Variants in IGF1 observed in about 807,000 individuals in gnomAD.
The protein encoded by IGF1 is insulin-like growth factor 1.
A neutral mutation model predicts 13.8 loss-of-function variants in IGF1; 4 were observed. The ratio of observed to expected loss-of-function variants is 0.29; its 90% CI spans 0.14 to 0.66. The LOEUF (loss-of-function observed/expected upper bound fraction) is 0.66. Ranked by LOEUF, IGF1 falls within the 30% of genes least tolerant of loss-of-function variation. The pLI, the probability that IGF1 is intolerant of heterozygous loss-of-function variation, is 0.78. For missense variants in IGF1, 124 were observed against 188.5 expected, an observed-to-expected ratio of 0.66 and a Z score of 2.00; for synonymous variants, 76 against 72.6, an observed-to-expected ratio of 1.05 and a Z score of -0.23.
rs79090511 is a variant in IGF1, at chr12:102,398,694, G to A, written c.*3813C>T. The A allele has an allele frequency of 2.0e-5, 3 of 152,084 alleles. No individual in the cohort carries two copies. The highest frequency in any genetic ancestry group is 4.4e-5 in the Non-Finnish European group (3 of 68,018). The allele number at this position is 152,084 out of a possible 1,614,324, so 9.4% of individuals were successfully genotyped here. A position where few individuals can be genotyped will look rare whatever the true frequency, so the allele number is the denominator to read the frequency against. On this transcript the variant is annotated 3_prime_UTR_variant, in exon 4 of 4. Transcript: ENST00000337514. ...AGTGATAAAAAGTTGAAAGGTGGTG[G>A]TGGCTAGATAGACCTAATGCTATTT...
intron 2 of IGF1, among the ~76,000 whole-genome samples, chr12:102,444,240 C>T (rs972706475): frequency 1.3e-5 from 2 of 151,902 alleles, no homozygotes; most frequent in Non-Finnish European, 2.9e-5. Context: ...AAAAAGACAC[C>T]CAATTTCCTT....
intron 2 of IGF1, among the ~76,000 whole-genome samples, chr12:102,420,829 A>G (rs1448918431): frequency 6.6e-6 from 1 of 152,208 alleles, no homozygotes; most frequent in Non-Finnish European, 1.5e-5. Flanking sequence ...AAGAAATTTT[A>G]TAAATCACGG....
intron 2 of IGF1, among the ~76,000 whole-genome samples, chr12:102,471,185 T>C (rs1023554760): frequency 1.3e-5 from 2 of 152,196 alleles, no homozygotes; most frequent in African/African-American, 4.8e-5. Flanking sequence ...ACAGAAACTA[T>C]GTAAATAAGA....
At chr12:102,422,240 A>T (rs1387587505) in intron 2 of IGF1, among the ~76,000 whole-genome samples, 2 of 152,178 alleles carry the variant, frequency 1.3e-5, no homozygotes. Flanking sequence ...TTTTTTAAAA[A>T]ATATTGTTGA....
chr12:102,415,543 T>TTTCC (rs761981548), intron 3 of IGF1, among the ~76,000 whole-genome samples: 11,137 of 81,598 alleles, frequency 0.14, 968 homozygotes, highest in East Asian at 0.18. Context: ...CTTCCTTCCC[T>TTTCC]TTCCTTCCTT....
At chr12:102,420,481 C>T (rs1875606279) in intron 2 of IGF1, among the ~76,000 whole-genome samples, 1 of 152,184 alleles carries the variant, frequency 6.6e-6, no homozygotes, top group African/African-American at 2.4e-5. Flanking sequence ...TAGTGTAAGT[C>T]GTAAGTAAAT....
intron 2 of IGF1, chr12:102,463,489 C>T (rs1880082028): frequency 6.6e-6 from 1 of 152,140 alleles, no homozygotes; most frequent in Non-Finnish European, 1.5e-5. Flanking sequence ...TCAGCTTTTT[C>T]CTTTATTTCT....
chr12:102,476,412 A>T (rs1881049329), intron 1 of IGF1, among the ~76,000 whole-genome samples: 1 of 140,772 alleles, frequency 7.1e-6, no homozygotes, highest in Non-Finnish European at 1.6e-5. Context: ...CCTCAATATG[A>T]GAGAGAGAGA....
chr12:102,458,741 A>C (rs1367528148), intron 2 of IGF1, among the ~76,000 whole-genome samples: 2 of 151,090 alleles, frequency 1.3e-5, no homozygotes, highest in African/African-American at 2.4e-5. Flanking sequence ...AAAAAAAAAA[A>C]AAAAAACCAA....
intron 3 of IGF1, among the ~76,000 whole-genome samples, chr12:102,409,964 C>T (rs1874492113): frequency 6.6e-6 from 1 of 152,210 alleles, no homozygotes; most frequent in South Asian, 2.1e-4. Flanking sequence ...GAAACAGTAG[C>T]TAGCTCCTTG....
At chr12:102,434,446 A>T (rs1877033148) in intron 2 of IGF1, among the ~76,000 whole-genome samples, 1 of 150,902 alleles carries the variant, frequency 6.6e-6, no homozygotes, top group Non-Finnish European at 1.5e-5. Flanking sequence ...GATGGTTTCC[A>T]ATTTCATCCA....
At chr12:102,408,091 A>G (rs11111265) in intron 3 of IGF1, among the ~76,000 whole-genome samples, 2,640 of 152,346 alleles carry the variant, frequency 0.017, 71 homozygotes, top group African/African-American at 0.061. Context: ...TCTGTCCAGC[A>G]TGGAATATCA....
intron 2 of IGF1, among the ~76,000 whole-genome samples, chr12:102,468,862 C>T (rs1201794534): frequency 6.6e-6 from 1 of 152,150 alleles, no homozygotes; most frequent in African/African-American, 2.4e-5. Context: ...TGGGAGAGAC[C>T]TTGTGGCTAT....
At chr12:102,411,391 C>T (rs888212254) in intron 3 of IGF1, among the ~76,000 whole-genome samples, 4 of 152,120 alleles carry the variant, frequency 2.6e-5, no homozygotes, top group South Asian at 2.1e-4. Context: ...GAACTAAAGC[C>T]GTGAAAATAG....
intron 2 of IGF1, among the ~76,000 whole-genome samples, chr12:102,436,254 A>G (rs1214054985): frequency 6.6e-6 from 1 of 152,218 alleles, no homozygotes. Flanking sequence ...GCACCTGAAG[A>G]CAACAAGCCA....
At chr12:102,417,993 G>T in intron 3 of IGF1, 1 of 1,612,654 alleles carries the variant, frequency 6.2e-7, no homozygotes, top group South Asian at 1.1e-5. Flanking sequence ...GTTGGTAGAT[G>T]GGGGCTGATA....
At chr12:102,477,404 A>G (rs969178177) in intron 1 of IGF1, among the ~76,000 whole-genome samples, 15 of 152,200 alleles carry the variant, frequency 9.9e-5, no homozygotes, top group African/African-American at 3.6e-4. Flanking sequence ...GACATAAAAT[A>G]GAAGAGGAGG....
chr12:102,474,912 T>A (rs1457299094), intron 2 of IGF1, among the ~76,000 whole-genome samples: 1 of 152,186 alleles, frequency 6.6e-6, no homozygotes, highest in Non-Finnish European at 1.5e-5. Flanking sequence ...TCTAATCACC[T>A]AAGAGCTATT....
At position 102,397,074 on chromosome 12, in the gene IGF1, T is replaced by G. The variant is rs1592723214; in HGVS notation, c.*5433A>C. ...AAAATTAGCCGGGCATAGTGGTGGGTGCCTGTAATCCCAGCTACTCAGGAG... is the reference window on the plus strand; with the variant it reads ...AAAATTAGCCGGGCATAGTGGTGGGGGCCTGTAATCCCAGCTACTCAGGAG... On this transcript the variant is annotated 3_prime_UTR_variant, in exon 4 of 4. Coordinates refer to ENST00000337514, the MANE Select transcript of IGF1 (RefSeq NM_000618.5). 2.8e-6 allele frequency: 1 copy of G among 354,820 alleles called. No homozygotes were observed. 22.0% of individuals were successfully genotyped at this position (354,820 alleles called of 1,614,324 possible). A position where few individuals can be genotyped will look rare whatever the true frequency, so the allele number is the denominator to read the frequency against.
Sources: gnomAD v4.1 joint callset for allele counts (sites outside exome capture counted in the v4.1 genomes callset) on GRCh38, gnomAD v4.1.1 for gene constraint, MANE v1.5 for transcripts, NCBI Gene and HGNC (gene_info 2026-07-23, HGNC 2026-07-21) for gene names.